IYD: variants seen among roughly 807,000 people sequenced by gnomAD.
The protein encoded by IYD is iodotyrosine deiodinase.
Under a neutral mutation model 28.4 loss-of-function variants are expected in IYD, and 25 were observed. The observed-to-expected ratio is 0.88, with a 90% CI of 0.64 to 1.23. The LOEUF (loss-of-function observed/expected upper bound fraction) is 1.23. Ranked by LOEUF, IYD falls within the 50% of genes most tolerant of loss-of-function variation. IYD has a pLI of 0.00. For missense variants in IYD, 352 were observed against 357.9 expected, an observed-to-expected ratio of 0.98 and a Z score of 0.13; for synonymous variants, 140 against 130.8, an observed-to-expected ratio of 1.07 and a Z score of -0.48.
chr6:150,370,664 G>C, intron 1 of IYD: 1 of 985,414 alleles, frequency 1.0e-6, no homozygotes, highest in Non-Finnish European at 1.2e-6. Context: ...CTGTGAAGCT[G>C]GGTAATGGTT....
At chr6:150,385,075 G>A (rs1011580210) in intron 1 of IYD, 1 of 152,156 alleles carries the variant, frequency 6.6e-6, no homozygotes, top group Admixed American at 6.5e-5. Flanking sequence ...GGGTAATGGG[G>A]AAAACAGAAG....
chr6:150,383,812 A>C (rs1438156435), intron 1 of IYD, among the ~76,000 whole-genome samples: 140 of 118,792 alleles, frequency 1.2e-3, no homozygotes, highest in African/African-American at 5.7e-3. Flanking sequence ...AAAAAAACAA[A>C]AACAAAAACA....
intron 1 of IYD, among the ~76,000 whole-genome samples, chr6:150,379,536 A>G (rs1245517742): frequency 6.6e-6 from 1 of 152,186 alleles, no homozygotes; most frequent in Non-Finnish European, 1.5e-5. Flanking sequence ...TCCTCATAGG[A>G]GTGATTACAG....
At chr6:150,379,080 C>G (rs557106640) in intron 1 of IYD, among the ~76,000 whole-genome samples, 2 of 152,316 alleles carry the variant, frequency 1.3e-5, no homozygotes, top group African/African-American at 4.8e-5. Context: ...ACTGTTGACT[C>G]CTGTTCCTCC....
rs1449729287 is a variant in IYD, at chr6:150,405,149, T to C, written c.*6912T>C. The stretch of plus-strand genomic sequence containing the variant: ...GGTGATTCTGCTGACCAGGTGAGTA[T>C]GGTAAATGTGGCAAGTATTCTCAAG... On this transcript the variant is annotated 3_prime_UTR_variant, in exon 5 of 5. Transcript: ENST00000344419. 2.0e-5 allele frequency: 3 copies of C among 152,288 alleles called. No individual in the cohort carries two copies. The highest frequency in any genetic ancestry group is 1.9e-4 in the East Asian group (1 of 5,188). The allele number at this position is 152,288 out of a possible 1,614,324, so 9.4% of individuals were successfully genotyped here. A position where few individuals can be genotyped will look rare whatever the true frequency, so the allele number is the denominator to read the frequency against.
At chr6:150,373,572 G>A (rs1777347192) in intron 1 of IYD, among the ~76,000 whole-genome samples, 1 of 152,184 alleles carries the variant, frequency 6.6e-6, no homozygotes, top group Admixed American at 6.5e-5. Context: ...GGATTAGCAG[G>A]AGCCAACTGT....
At chr6:150,374,726 A>G (rs631501) in intron 1 of IYD, among the ~76,000 whole-genome samples, 108,395 of 151,836 alleles carry the variant, frequency 0.71, 39,996 homozygotes, top group Middle Eastern at 0.83. Flanking sequence ...AGATTTGGGT[A>G]GCGACACAGC....
At chr6:150,373,335 A>T (rs981561782) in intron 1 of IYD, among the ~76,000 whole-genome samples, 1 of 152,222 alleles carries the variant, frequency 6.6e-6, no homozygotes, top group African/African-American at 2.4e-5. Context: ...ATGACAACTC[A>T]TTTCAGAATA....
intron 1 of IYD, among the ~76,000 whole-genome samples, chr6:150,369,653 T>A (rs536813066): frequency 3.3e-5 from 5 of 152,290 alleles, no homozygotes; most frequent in Non-Finnish European, 7.4e-5. Context: ...GCCTCTGTCC[T>A]CAACAAACTG....
At chr6:150,376,853 C>T (rs980848392) in intron 1 of IYD, among the ~76,000 whole-genome samples, 4 of 152,112 alleles carry the variant, frequency 2.6e-5, no homozygotes, top group Non-Finnish European at 5.9e-5. Flanking sequence ...AACTCCTGGG[C>T]TCAAGCAATC....
intron 1 of IYD, among the ~76,000 whole-genome samples, chr6:150,377,707 T>A (rs1430872562): frequency 6.6e-6 from 1 of 152,224 alleles, no homozygotes; most frequent in Non-Finnish European, 1.5e-5. Context: ...GAATGGGTCT[T>A]AAGACTTAGT....
intron 4 of IYD, chr6:150,396,057 C>A: frequency 8.6e-6 from 2 of 231,482 alleles, no homozygotes; most frequent in Non-Finnish European, 8.4e-6. Flanking sequence ...ATACCAAGAG[C>A]TAGTCGTAGC....
chr6:150,395,558 G>GC, intron 4 of IYD: 1 of 1,537,258 alleles, frequency 6.5e-7, no homozygotes. Flanking sequence ...AGCTCACAAG[G>GC]CTGCCCAGGT....
chr6:150,370,507 C>G, intron 1 of IYD: 1 of 985,392 alleles, frequency 1.0e-6, no homozygotes, highest in Non-Finnish European at 1.2e-6. Context: ...GCTCTCAGTG[C>G]TAACAGCCTG....
intron 1 of IYD, among the ~76,000 whole-genome samples, chr6:150,381,279 T>C (rs1777636982): frequency 6.6e-6 from 1 of 152,248 alleles, no homozygotes; most frequent in Admixed American, 6.5e-5. Context: ...TCTAAGGATC[T>C]AAGTTTCCAC....
chr6:150,402,909 A>ACACTGGGGGTGATTC lies in IYD; in HGVS notation c.*4672_*4673insCACTGGGGGTGATTC, dbSNP rs1778551274. On this transcript the variant is annotated 3_prime_UTR_variant, in exon 5 of 5. Transcript: ENST00000344419. ...GCACCCCATTTTAAGCCAAATTTAC[A>ACACTGGGGGTGATTC]AACTTACAAAGATGATCCACCAATA... The ACACTGGGGGTGATTC allele has an allele frequency of 9.9e-5, 1 of 10,062 alleles. No homozygotes were observed. The highest frequency in any genetic ancestry group is 2.5e-4 in the Non-Finnish European group (1 of 3,934). The allele number at this position is 10,062 out of a possible 1,614,324, so 0.6% of individuals were successfully genotyped here.
chr6:150,374,567 G>T (rs1381929140), intron 1 of IYD, among the ~76,000 whole-genome samples: 2 of 152,166 alleles, frequency 1.3e-5, no homozygotes, highest in Non-Finnish European at 2.9e-5. Flanking sequence ...TCAAGCGAAA[G>T]GGGCTTCCCC....
At chr6:150,387,011 A>C (rs1343553966) in intron 1 of IYD, among the ~76,000 whole-genome samples, 3 of 152,224 alleles carry the variant, frequency 2.0e-5, no homozygotes, top group South Asian at 4.1e-4. Context: ...CTTTTTCTCT[A>C]GTTGCTTTCA....
intron 1 of IYD, among the ~76,000 whole-genome samples, chr6:150,371,808 T>C (rs182383214): frequency 1.9e-3 from 282 of 152,286 alleles, no homozygotes; most frequent in Non-Finnish European, 3.1e-3. Context: ...CTCATTGTAT[T>C]GTCATGAAGA....
Sources: gnomAD v4.1 joint callset for allele counts (sites outside exome capture counted in the v4.1 genomes callset) on GRCh38, gnomAD v4.1.1 for gene constraint, MANE v1.5 for transcripts, NCBI Gene and HGNC (gene_info 2026-07-23, HGNC 2026-07-21) for gene names.